PRKG1: variants seen among roughly 807,000 people sequenced by gnomAD.
PRKG1 encodes the protein protein kinase cGMP-dependent 1, also known as cGMP-dependent protein kinase 1.
A neutral mutation model predicts 88.1 loss-of-function variants in PRKG1; 35 were observed. The observed-to-expected ratio is 0.40, with a 90% CI of 0.30 to 0.53. The LOEUF (loss-of-function observed/expected upper bound fraction) is 0.53. PRKG1 is among the 20% of genes least tolerant of loss of function. The pLI, the probability that PRKG1 is intolerant of heterozygous loss-of-function variation, is 0.59. For synonymous variants in PRKG1, 303 were observed against 292.5 expected, an observed-to-expected ratio of 1.04 and a Z score of -0.37; for missense variants, 540 against 839.8, an observed-to-expected ratio of 0.64 and a Z score of 4.41.
intron 3 of PRKG1, among the ~76,000 whole-genome samples, chr10:51,541,126 G>C (rs1842290189): frequency 6.6e-6 from 1 of 152,148 alleles, no homozygotes; most frequent in Non-Finnish European, 1.5e-5. Flanking sequence ...GAGCAGGGTT[G>C]GGGTGGGGGA....
intron 2 of PRKG1, among the ~76,000 whole-genome samples, chr10:51,174,227 T>G (rs1208237105): frequency 1.3e-5 from 2 of 151,980 alleles, no homozygotes; most frequent in African/African-American, 4.8e-5. Flanking sequence ...AGAATAAGCC[T>G]TTGTTATTTA....
intron 3 of PRKG1, among the ~76,000 whole-genome samples, chr10:51,775,255 G>A (rs1838404106): frequency 6.6e-6 from 1 of 152,060 alleles, no homozygotes; most frequent in African/African-American, 2.4e-5. Context: ...TGTAGTAACT[G>A]GTTGTTTTAG....
rs542533219 is a variant in PRKG1, at chr10:52,092,278, C to T, written c.935+29647C>T. ...TCCAGCCTATTTATGTGTAAAGTAA[C>T]AGCCTACCGACATACACTAAATTTT... On this transcript the variant is annotated intron_variant, in intron 7 of 17. Coordinates refer to ENST00000373980, the MANE Select transcript of PRKG1 (RefSeq NM_006258.4). Among the ~76,000 whole-genome samples the T allele has an allele frequency of 2.0e-5, 3 of 152,118 alleles. No homozygotes were observed. The East Asian group carries it at 5.8e-4, about 29-fold the overall frequency.
chr10:51,462,068 A>G (rs1393699894), intron 2 of PRKG1, among the ~76,000 whole-genome samples: 1 of 152,236 alleles, frequency 6.6e-6, no homozygotes, highest in Non-Finnish European at 1.5e-5. Flanking sequence ...TGAATCTAGC[A>G]ACTGTAGAAG....
At chr10:51,775,643 G>A (rs1838414658) in intron 3 of PRKG1, among the ~76,000 whole-genome samples, 1 of 151,784 alleles carries the variant, frequency 6.6e-6, no homozygotes, top group Non-Finnish European at 1.5e-5. Flanking sequence ...GGAGTGCAGT[G>A]GCATGATCTC....
intron 5 of PRKG1, among the ~76,000 whole-genome samples, chr10:52,021,265 TATG>T (rs1428505532): frequency 2.0e-5 from 3 of 152,012 alleles, no homozygotes; most frequent in African/African-American, 7.3e-5. Flanking sequence ...GGCAGCCATG[TATG>T]ATATGTTGCT....
chr10:52,184,489 C>T (rs1406837914), intron 9 of PRKG1, among the ~76,000 whole-genome samples: 5 of 152,100 alleles, frequency 3.3e-5, no homozygotes, highest in Admixed American at 2.0e-4. Flanking sequence ...TATTCATAGG[C>T]TTGTTTTATA....
At chr10:51,486,393 G>C (rs899872245) in intron 3 of PRKG1, among the ~76,000 whole-genome samples, 9 of 152,138 alleles carry the variant, frequency 5.9e-5, no homozygotes, top group Non-Finnish European at 8.8e-5. Context: ...ATAAATGCTG[G>C]TGATGGTTTC....
intron 1 of PRKG1, among the ~76,000 whole-genome samples, chr10:51,093,788 T>TTATA (rs879690396): frequency 3.7e-5 from 5 of 133,486 alleles, no homozygotes; most frequent in South Asian, 4.7e-4. Context: ...TATATGTATT[T>TTATA]TATATATATA....
Position 51,610,907 on chromosome 10 carries a change from G to C in PRKG1, c.592+143071G>C, listed in dbSNP as rs540507554. On this transcript the variant is annotated intron_variant, in intron 3 of 17. Coordinates refer to ENST00000373980, the MANE Select transcript of PRKG1 (RefSeq NM_006258.4). ...GGCCTATCAGGGCTTGGGGGGAAAG[G>C]GGAGGGAGAGCATCAGGACAAATAG... 2.6e-5 allele frequency among the ~76,000 whole-genome samples: 4 copies of C among 152,182 alleles called. No homozygotes were observed. In the East Asian group the frequency reaches 7.8e-4, roughly 29 times the overall value.
At chr10:51,368,142 A>C (rs1320144053) in intron 2 of PRKG1, among the ~76,000 whole-genome samples, 1 of 152,086 alleles carries the variant, frequency 6.6e-6, no homozygotes, top group African/African-American at 2.4e-5. Flanking sequence ...ATTCCTAGCT[A>C]CAAATAAACT....
rs1023436512 is a variant in PRKG1, at chr10:51,664,159, A to G, written c.593-140426A>G. On this transcript the variant is annotated intron_variant, in intron 3 of 17. Coordinates refer to ENST00000373980, the MANE Select transcript of PRKG1 (RefSeq NM_006258.4). ...GAAGAAATTTATCTTTAAGTGAATT[A>G]TGAAATTAAACCAGAATAATTTCAG... Among the ~76,000 whole-genome samples, 6 of 152,174 alleles carry G rather than the reference A, an allele frequency of 3.9e-5. No homozygotes were observed. The South Asian group carries it at 1.2e-3, about 32-fold the overall frequency.
chr10:52,080,697 C>T (rs1443646781), intron 7 of PRKG1, among the ~76,000 whole-genome samples: 1 of 152,034 alleles, frequency 6.6e-6, no homozygotes, highest in Non-Finnish European at 1.5e-5. Flanking sequence ...TTTTGTGTAT[C>T]ATACAAAAAC....
Position 51,572,383 on chromosome 10 carries a change from G to T in PRKG1, c.592+104547G>T, listed in dbSNP as rs547513293. On this transcript the variant is annotated intron_variant, in intron 3 of 17. Coordinates refer to ENST00000373980, the MANE Select transcript of PRKG1 (RefSeq NM_006258.4). ...AGTGGCTTTTGATATTTTACAAGGTGCACTGTATAAATTTAATACCACCCA... is the reference window on the plus strand; with the variant it reads ...AGTGGCTTTTGATATTTTACAAGGTTCACTGTATAAATTTAATACCACCCA... Among the ~76,000 whole-genome samples the T allele has an allele frequency of 1.3e-4, 19 of 151,910 alleles. No homozygotes were observed. The South Asian group carries it at 3.7e-3, about 30-fold the overall frequency.
intron 3 of PRKG1, among the ~76,000 whole-genome samples, chr10:51,670,451 A>G (rs557160431): frequency 4.6e-5 from 7 of 151,306 alleles, no homozygotes; most frequent in African/African-American, 1.7e-4. Context: ...AAAATGCAAG[A>G]TAAGGCCGGG....
At chr10:52,245,106 T>G (rs1840991106) in intron 9 of PRKG1, among the ~76,000 whole-genome samples, 1 of 151,658 alleles carries the variant, frequency 6.6e-6, no homozygotes, top group South Asian at 2.1e-4. Flanking sequence ...TAAAATCCTG[T>G]GTACCAAATG....
chr10:51,972,651 T>A (rs948429027), intron 5 of PRKG1, among the ~76,000 whole-genome samples: 3 of 152,162 alleles, frequency 2.0e-5, no homozygotes, highest in Non-Finnish European at 4.4e-5. Context: ...GCTTTTATAT[T>A]TTTTTCCTGT....
At chr10:52,292,247 G>A (rs1392219110) in intron 17 of PRKG1, among the ~76,000 whole-genome samples, 1 of 150,856 alleles carries the variant, frequency 6.6e-6, no homozygotes, top group Non-Finnish European at 1.5e-5. Context: ...CTTTTGCAGT[G>A]CAGGAGCTCT....
intron 1 of PRKG1, among the ~76,000 whole-genome samples, chr10:51,015,748 A>G (rs1186890897): frequency 6.6e-6 from 1 of 152,144 alleles, no homozygotes; most frequent in African/African-American, 2.4e-5. Context: ...TTAGCTGGGC[A>G]AGGTGGTGGG....
Sources: gnomAD v4.1 joint callset for allele counts (sites outside exome capture counted in the v4.1 genomes callset) on GRCh38, gnomAD v4.1.1 for gene constraint, MANE v1.5 for transcripts, NCBI Gene and HGNC (gene_info 2026-07-23, HGNC 2026-07-21) for gene names.